The following EIF5B variants were observed in gnomAD, a reference collection of about 807,000 sequenced individuals.
The protein encoded by EIF5B is eIF-5B.
In EIF5B, 47 loss-of-function variants were observed where a neutral mutation model predicts 147.5. That is an observed-to-expected ratio of 0.32 (90% confidence interval 0.25 to 0.41). EIF5B has a LOEUF of 0.41. Ranked by LOEUF, EIF5B falls within the 10% of genes least tolerant of loss-of-function variation. EIF5B has a pLI of 1.00. For synonymous variants in EIF5B, 455 were observed against 456.2 expected (o/e 1.00, Z 0.03); for missense variants, 1,064 against 1,413.2 (o/e 0.75, Z 3.96).
chr2:99,365,987 T>TCG (rs1674319466), intron 6 of EIF5B, among the ~76,000 whole-genome samples: 2 of 152,214 alleles, frequency 1.3e-5, no homozygotes, highest in African/African-American at 4.8e-5. Context: ...AAATGTACTC[T>TCG]CAGAGAGTGT....
At chr2:99,376,079 G>T (rs1463358853) in intron 9 of EIF5B, among the ~76,000 whole-genome samples, 7 of 152,216 alleles carry the variant, frequency 4.6e-5, no homozygotes, top group African/African-American at 1.7e-4. Flanking sequence ...GCCACATGCA[G>T]CCCAGGATGG....
chr2:99,364,453 A>G (rs866886568), intron 6 of EIF5B, 32 bp downstream of exon 6: 1 of 1,551,788 alleles, frequency 6.4e-7, no homozygotes, highest in Middle Eastern at 1.7e-4. Flanking sequence ...CTGAATGGTC[A>G]GAGAGCTCTG....
chr2:99,364,026 CTTATCT>C (rs1674275590), intron 5 of EIF5B, among the ~76,000 whole-genome samples, 164 bp downstream of exon 5: 3 of 152,232 alleles, frequency 2.0e-5, no homozygotes, highest in South Asian at 2.1e-4. Flanking sequence ...TACAGCACAT[CTTATCT>C]TTATTTTCTC....
At chr2:99,359,190 G>A (rs947917079) in intron 1 of EIF5B, among the ~76,000 whole-genome samples, 10 of 147,124 alleles carry the variant, frequency 6.8e-5, no homozygotes, top group East Asian at 2.1e-4. Flanking sequence ...GTGAAACCCC[G>A]TCTCTACTTA....
At position 99,337,482 on chromosome 2, in the gene EIF5B, A is replaced by G; in HGVS notation, c.-73A>G. 1 of 1,572,906 alleles carries G rather than the reference A, an allele frequency of 6.4e-7. No individual in the cohort carries two copies. Among genetic ancestry groups the G allele is most frequent in the East Asian group, 2.4e-5 (1 of 42,388 alleles). On this transcript the variant is annotated 5_prime_UTR_variant, in exon 1 of 24. Transcript: ENST00000289371. ...GGGAAAAGAGCTGAGCGGAGACCAA[A>G]GTCAGCCGGGAGACAGTGGGTCTGT...
At chr2:99,371,529 C>A in intron 8 of EIF5B, 127 bp from the exon 9 acceptor site, 2 of 655,140 alleles carry the variant, frequency 3.1e-6, no homozygotes, top group Non-Finnish European at 2.5e-6. Flanking sequence ...ATAATAGCTG[C>A]ATACATATTT....
At position 99,368,288 on chromosome 2, in the gene EIF5B, C is replaced by T. The variant is rs566758590; in HGVS notation, c.1289-205C>T. On this transcript the variant is annotated intron_variant, in intron 6 of 23. Coordinates refer to ENST00000289371, the MANE Select transcript of EIF5B (RefSeq NM_015904.4). ...TGTGATGGTGATACACGTATCAAAACTCTCACTGTATGTGAAACGAGGATT... is the reference window on the plus strand; with the variant it reads ...TGTGATGGTGATACACGTATCAAAATTCTCACTGTATGTGAAACGAGGATT... Among the ~76,000 whole-genome samples, 52 of 152,316 alleles carry T rather than the reference C, an allele frequency of 3.4e-4. No homozygotes were observed. In the South Asian group the frequency reaches 0.011, roughly 32 times the overall value.
At chr2:99,384,146 G>A (rs1674749365) in intron 14 of EIF5B, among the ~76,000 whole-genome samples, 1 of 136,568 alleles carries the variant, frequency 7.3e-6, no homozygotes, top group Non-Finnish European at 1.5e-5. Flanking sequence ...GCAGTGAGCC[G>A]AGATCGCGCC....
intron 6 of EIF5B, 82 bp from the exon 7 acceptor site, chr2:99,368,411 A>G (rs1322171939): frequency 1.0e-6 from 1 of 1,004,540 alleles, no homozygotes; most frequent in Non-Finnish European, 1.5e-6. Context: ...TCTGTGGTGA[A>G]TGAAATGCTA....
rs1675288450 is a variant in EIF5B at position 99,400,914 on chromosome 2, T to G, written c.*1500T>G. 1 of 164,256 alleles carries G rather than the reference T, an allele frequency of 6.1e-6. No individual in the cohort carries two copies. Among genetic ancestry groups the G allele is most frequent in the Non-Finnish European group, 1.3e-5 (1 of 75,712 alleles). 10.2% of individuals were successfully genotyped at this position (164,256 alleles called of 1,614,324 possible). On this transcript the variant is annotated 3_prime_UTR_variant, in exon 24 of 24. Coordinates refer to ENST00000289371, the MANE Select transcript of EIF5B (RefSeq NM_015904.4). ...CAGTAGTTGCTTCCTAGAGTTGAGTTTTTAAGGATTCACAAAAAGGAGCCT... is the reference window on the plus strand; with the variant it reads ...CAGTAGTTGCTTCCTAGAGTTGAGTGTTTAAGGATTCACAAAAAGGAGCCT...
intron 22 of EIF5B, chr2:99,398,528 A>G (rs1421144679): frequency 4.6e-6 from 2 of 432,102 alleles, no homozygotes; most frequent in Non-Finnish European, 8.3e-6. Flanking sequence ...TGCAAAGCAC[A>G]TTATCTCCTG....
intron 9 of EIF5B, among the ~76,000 whole-genome samples, chr2:99,375,872 T>C (rs1276266961): frequency 1.3e-5 from 2 of 152,190 alleles, no homozygotes; most frequent in Non-Finnish European, 2.9e-5. Flanking sequence ...TACGTGACGC[T>C]CAAAGGATAT....
chr2:99,364,284 A>G lies in EIF5B; in HGVS notation c.1151A>G (p.Gln384Arg). 1 of 1,598,820 alleles carries G rather than the reference A, an allele frequency of 6.3e-7. No homozygotes were observed. The highest frequency in any genetic ancestry group is 1.1e-5 in the South Asian group (1 of 87,920). The change falls in exon 6 of 24, where the codon CAA (glutamine) becomes CGA (arginine). Residue 384 changes from glutamine to arginine, a missense_variant. Around this residue, in one of 4 missense-constraint regions of EIF5B, gnomAD observed 458 missense variants for 451.3 expected, o/e 1.01. Coordinates refer to ENST00000289371, the MANE Select transcript of EIF5B (RefSeq NM_015904.4). ...AKRKEEERLE[Q>R]EKRERKKQKE... Reference sequence around the variant, plus strand: ...ACTCTTTTATAGGAACGATTGGAACAAGAAAAAAGAGAAAGGAAAAAGCAA... The same window carrying G: ...ACTCTTTTATAGGAACGATTGGAACGAGAAAAAAGAGAAAGGAAAAAGCAA...
At chr2:99,356,836 C>G (rs147914696) in intron 1 of EIF5B, among the ~76,000 whole-genome samples, 4,199 of 152,200 alleles carry the variant, frequency 0.028, 257 homozygotes, top group Admixed American at 0.14. Context: ...ACCACTATCT[C>G]TTTGTTTTAA....
intron 9 of EIF5B, among the ~76,000 whole-genome samples, chr2:99,372,669 T>A (rs1350353759): frequency 6.6e-6 from 1 of 152,200 alleles, no homozygotes; most frequent in Non-Finnish European, 1.5e-5. Context: ...AAAATGGGCA[T>A]TTTCTAATTG....
At chr2:99,368,292 CACTGTATGTGAAACGAGGATTTTT>C (rs1326710267) in intron 6 of EIF5B, among the ~76,000 whole-genome samples, 177 bp from the exon 7 acceptor site, 4 of 152,148 alleles carry the variant, frequency 2.6e-5, no homozygotes, top group Non-Finnish European at 4.4e-5. Flanking sequence ...TCAAAACTCT[CACTGTATGTGAAACGAGGATTTTT>C]ACTGTATGTA....
At chr2:99,393,150 G>C in intron 18 of EIF5B, 52 bp downstream of exon 18, 2 of 1,418,796 alleles carry the variant, frequency 1.4e-6, no homozygotes. Context: ...GTTCTGGCAT[G>C]TGTCAGCATT....
chr2:99,345,877 A>T (rs2094272285), intron 1 of EIF5B, among the ~76,000 whole-genome samples: 1 of 151,464 alleles, frequency 6.6e-6, no homozygotes, highest in Non-Finnish European at 1.5e-5. Context: ...TTGGGAGGTC[A>T]AGGCTGCAGT....
chr2:99,388,549 A>C (rs895497478), intron 14 of EIF5B, among the ~76,000 whole-genome samples: 3 of 152,246 alleles, frequency 2.0e-5, no homozygotes, highest in African/African-American at 7.2e-5. Flanking sequence ...GATTGTGTCA[A>C]ATTCTTTTCC....
Sources: gnomAD v4.1 joint callset for allele counts (sites outside exome capture counted in the v4.1 genomes callset) on GRCh38, gnomAD v4.1.1 for gene constraint, gnomAD v4.1.1 regional missense constraint, MANE v1.5 for transcripts, NCBI Gene and HGNC (gene_info 2026-07-23, HGNC 2026-07-21) for gene names.